The following LIPM variants were observed in gnomAD, a reference collection of about 807,000 sequenced individuals.
LIPM encodes lipase family member M.
A neutral mutation model predicts 42.4 loss-of-function variants in LIPM; 42 were observed. The ratio of observed to expected loss-of-function variants is 0.99; its 90% CI spans 0.77 to 1.28. The LOEUF (loss-of-function observed/expected upper bound fraction) is 1.28. LIPM is among the 50% of genes most tolerant of loss of function. The pLI, the probability that LIPM is intolerant of heterozygous loss-of-function variation, is 0.00. For missense variants in LIPM, 524 were observed against 520.1 expected (o/e 1.01, Z -0.07); for synonymous variants, 177 against 173.3 (o/e 1.02, Z -0.17).
Position 88,813,104 on chromosome 10 carries a change from G to A in LIPM, c.273G>A (p.Arg91=), listed in dbSNP as rs1286193423. The A allele has an allele frequency of 3.8e-6, 6 of 1,589,872 alleles. No individual in the cohort carries two copies. The highest frequency in any genetic ancestry group is 5.1e-6 in the Non-Finnish European group (6 of 1,167,498). ...GLVQPKKTGS[R]PVVLLQHGLV... ...AATTTTCTCTTTTTGCAGGTTCCAG[G>A]CCTGTGGTGTTACTGCAGCATGGCC... The change falls in exon 3 of 9, where the codon AGG becomes AGA. Residue 91 remains arginine (R), a synonymous_variant. Coordinates refer to ENST00000404743, the MANE Select transcript of LIPM (RefSeq NM_001128215.1).
chr10:88,817,952 G>T (rs2133062988), intron 8 of LIPM, 56 bp downstream of exon 8: 1 of 1,288,386 alleles, frequency 7.8e-7, no homozygotes, highest in South Asian at 1.3e-5. Flanking sequence ...TGTATGACAG[G>T]GACGTTATAA....
In LIPM at chr10:88,817,829, T is replaced by C; in HGVS notation, c.935T>C (p.Val312Ala). Reference protein sequence around the residue: ...VQNILHWSQAVNSGELRAFDW... With the variant: ...VQNILHWSQAANSGELRAFDW... Reference sequence around the variant, plus strand: ...TAAATTTTTGTCTCCTTTTAGGCAGTGAATTCTGGTGAACTCCGGGCATTT... The same window carrying C: ...TAAATTTTTGTCTCCTTTTAGGCAGCGAATTCTGGTGAACTCCGGGCATTT... The change falls in exon 8 of 9, where the codon GTG becomes GCG. Residue 312 changes from valine to alanine, a missense_variant. Coordinates refer to ENST00000404743, the MANE Select transcript of LIPM (RefSeq NM_001128215.1). The C allele has an allele frequency of 6.4e-7, 1 of 1,551,136 alleles. No homozygotes were observed. The highest frequency in any genetic ancestry group is 8.7e-7 in the Non-Finnish European group (1 of 1,146,554).
chr10:88,808,360 G>A lies in LIPM; in HGVS notation c.210G>A (p.Gly70=). 1 of 1,551,564 alleles carries A rather than the reference G, an allele frequency of 6.4e-7. No individual in the cohort carries two copies. The stretch of plus-strand genomic sequence containing the variant: ...AATATGAAGTCGCAACTGAAGATGG[G>A]TATATCCTTTCTGTTAACAGGATTC... The part of the protein sequence containing the change: ...CEEYEVATED[G]YILSVNRIPR... Residue 70 remains glycine (G), a synonymous_variant, in exon 2 of 9, where the codon GGG becomes GGA. Coordinates refer to ENST00000404743, the MANE Select transcript of LIPM (RefSeq NM_001128215.1).
At chr10:88,815,613 T>G (rs1843710535) in intron 6 of LIPM, 110 bp downstream of exon 6, 2 of 953,254 alleles carry the variant, frequency 2.1e-6, no homozygotes, top group Non-Finnish European at 3.1e-6. Context: ...TAATGATATA[T>G]TCTCAGTAAC....
chr10:88,815,044 TA>T, intron 4 of LIPM, 43 bp from the exon 5 acceptor site: 1 of 1,502,072 alleles, frequency 6.7e-7, no homozygotes, highest in Non-Finnish European at 8.9e-7. Context: ...TTATGAGTTC[TA>T]AAAATATTTC....
chr10:88,806,360 C>G (rs1843586946), intron 1 of LIPM, among the ~76,000 whole-genome samples: 1 of 152,232 alleles, frequency 6.6e-6, no homozygotes, highest in Non-Finnish European at 1.5e-5. Flanking sequence ...TTTTGCTCCT[C>G]CTGCTCAGAA....
In LIPM at chr10:88,815,132, A is replaced by C. The variant is rs1322236318; in HGVS notation, c.619A>C (p.Lys207Gln). ...STMPELAQKI[K>Q]MYFALAPIAT... ...CATGCCAGAGCTGGCTCAGAAAATC[A>C]AAATGTATTTTGCTTTAGCACCCAT... is the stretch of plus-strand genomic sequence containing the variant. The change falls in exon 5 of 9, where the codon AAA becomes CAA. Residue 207 changes from lysine to glutamine, a missense_variant. Transcript: ENST00000404743. 5.2e-6 allele frequency: 8 copies of C among 1,550,910 alleles called. No homozygotes were observed. The highest frequency in any genetic ancestry group is 7.0e-6 in the Non-Finnish European group (8 of 1,146,802).
At position 88,820,134 on chromosome 10, in the gene LIPM, A is replaced by G. The variant is rs185586287; in HGVS notation, c.1003-98A>G. 3.5e-3 allele frequency: 3,596 copies of G among 1,026,394 alleles called. 11 individuals are homozygous for G. The highest frequency in any genetic ancestry group is 4.6e-3 in the Non-Finnish European group (3,290 of 715,602). 63.6% of individuals were successfully genotyped at this position (1,026,394 alleles called of 1,614,324 possible). A position where few individuals can be genotyped will look rare whatever the true frequency, so the allele number is the denominator to read the frequency against. ...CTCTAACACCCATGTACCCTTCACC[A>G]CAACAGATGGCATGTTTATTATGTC... On this transcript the variant is annotated intron_variant, in intron 8 of 8. Transcript: ENST00000404743.
At chr10:88,814,734 G>T in intron 4 of LIPM, 95 bp downstream of exon 4, 3 of 913,044 alleles carry the variant, frequency 3.3e-6, no homozygotes, top group Non-Finnish European at 5.2e-6. Context: ...GCTTCCTTCA[G>T]ACCTGCTCTT....
chr10:88,820,192 C>A (rs1003624317), intron 8 of LIPM, 40 bp from the exon 9 acceptor site: 23 of 1,489,416 alleles, frequency 1.5e-5, no homozygotes, highest in Non-Finnish European at 1.8e-5. Flanking sequence ...CCTGAAAGTC[C>A]AAATGTTACC....
Position 88,816,903 on chromosome 10 carries a change from T to TTGCAG in LIPM, c.930+18_930+22dup. The TTGCAG allele has an allele frequency of 6.5e-7, 1 of 1,537,600 alleles. No homozygotes were observed. The highest frequency in any genetic ancestry group is 8.8e-7 in the Non-Finnish European group (1 of 1,134,084). ...CTGGAGCCAGGTAAGAATGTTGAAT[T>TTGCAG]TGCAGTCTTTGCTAAATGTCCTGTT... On this transcript the variant is annotated intron_variant, in intron 7 of 8. Transcript: ENST00000404743.
intron 1 of LIPM, among the ~76,000 whole-genome samples, chr10:88,808,090 C>T (rs1412178315): frequency 2.0e-5 from 3 of 152,120 alleles, no homozygotes; most frequent in Non-Finnish European, 4.4e-5. Context: ...CTTTGAGAAC[C>T]ATAATTCTAT....
Position 88,802,742 on chromosome 10 carries a change from C to A in LIPM, c.-155C>A. The A allele has an allele frequency of 1.4e-6, 1 of 701,016 alleles. No homozygotes were observed. The highest frequency in any genetic ancestry group is 2.3e-6 in the Non-Finnish European group (1 of 426,924). 43.4% of individuals were successfully genotyped at this position (701,016 alleles called of 1,614,324 possible). A position where few individuals can be genotyped will look rare whatever the true frequency, so the allele number is the denominator to read the frequency against. On this transcript the variant is annotated 5_prime_UTR_variant, in exon 1 of 9. Coordinates refer to ENST00000404743, the MANE Select transcript of LIPM (RefSeq NM_001128215.1). Reference sequence around the variant, plus strand: ...CAATGTTTCCAGCCTACTTTGTGTTCTTTCCCTACCAACTAAGCTTGCCTA... The same window carrying A: ...CAATGTTTCCAGCCTACTTTGTGTTATTTCCCTACCAACTAAGCTTGCCTA...
Position 88,804,218 on chromosome 10 carries a change from G to A in LIPM, c.147+1175G>A, listed in dbSNP as rs1175890490. Among the ~76,000 whole-genome samples the A allele has an allele frequency of 4.6e-5, 7 of 152,246 alleles. No homozygotes were observed. The South Asian group carries it at 8.3e-4, about 18-fold the overall frequency. On this transcript the variant is annotated intron_variant, in intron 1 of 8. Transcript: ENST00000404743. ...GTCAGTCCTCAGGAGTCATCCTTCT[G>A]GCCCTGAGACTGTCCCACTTGAATT...
At position 88,820,421 on chromosome 10, in the gene LIPM, C is replaced by T. The variant is rs532626102; in HGVS notation, c.1192C>T (p.Arg398Cys). 2.7e-5 allele frequency: 42 copies of T among 1,551,960 alleles called. No individual in the cohort carries two copies. The African/African-American group carries it at 4.0e-4, about 15-fold the overall frequency. The change falls in exon 9 of 9, where the codon CGT becomes TGT. Residue 398 changes from arginine (R) to cysteine (C), a missense_variant. Transcript: ENST00000404743. ...DFIWGLDAPH[R>C]MYNEIIHLMQ... ...CATCTGGGGTTTGGATGCTCCTCAC[C>T]GTATGTACAATGAAATCATCCATCT...
chr10:88,808,994 GC>G (rs748363236), intron 2 of LIPM, among the ~76,000 whole-genome samples: 131 of 147,490 alleles, frequency 8.9e-4, no homozygotes, highest in Non-Finnish European at 1.5e-3. Context: ...TGCACTTGTT[GC>G]CCAGGCTGGA....
intron 2 of LIPM, among the ~76,000 whole-genome samples, chr10:88,811,596 T>C (rs1843657480): frequency 6.6e-6 from 1 of 152,198 alleles, no homozygotes; most frequent in African/African-American, 2.4e-5. Flanking sequence ...TTCTCTATTC[T>C]CTACTGATAT....
At chr10:88,814,981 T>TATATACTTATTGTGACCA (rs1290073861) in intron 4 of LIPM, 107 bp from the exon 5 acceptor site, 9 of 1,004,880 alleles carry the variant, frequency 9.0e-6, no homozygotes, top group Non-Finnish European at 1.3e-5. Flanking sequence ...AGAGGTAAGA[T>TATATACTTATTGTGACCA]GCAGTCACAT....
rs1468106617 is a variant in LIPM at position 88,815,186 on chromosome 10, G to A, written c.673G>A (p.Gly225Arg). 9 of 1,551,830 alleles carry A rather than the reference G, an allele frequency of 5.8e-6. No individual in the cohort carries two copies. In the East Asian group the frequency reaches 7.3e-5, roughly 13 times the overall value. ...IATVKHAKSP[G>R]TKFLLLPDMM... ...CACTGTTAAGCATGCAAAAAGCCCC[G>A]GGACCAAATTTTTGTTGCTGCCAGA... The change falls in exon 5 of 9, where the codon GGG becomes AGG. Residue 225 changes from glycine (G) to arginine (R), a missense_variant. Gly to Arg is a moderately radical substitution (Grantham distance 125). Transcript: ENST00000404743.
Sources: gnomAD v4.1 joint callset for allele counts (sites outside exome capture counted in the v4.1 genomes callset) on GRCh38, gnomAD v4.1.1 for gene constraint, MANE v1.5 for transcripts, NCBI Gene and HGNC (gene_info 2026-07-23, HGNC 2026-07-21) for gene names.